ANKS1B: variants seen among roughly 807,000 people sequenced by gnomAD.
The protein encoded by ANKS1B is ankyrin repeat and sterile alpha motif domain-containing protein 1B.
A neutral mutation model predicts 148.3 loss-of-function variants in ANKS1B; 36 were observed. The ratio of observed to expected loss-of-function variants is 0.24; its 90% CI spans 0.19 to 0.32. The LOEUF is 0.32. Among genes scored for constraint, ANKS1B ranks in the 10% least tolerant of loss-of-function variants. The pLI is 1.00. For synonymous variants in ANKS1B, 542 were observed against 560.8 expected, an observed-to-expected ratio of 0.97 and a Z score of 0.47; for missense variants, 1,157 against 1,542.6, an observed-to-expected ratio of 0.75 and a Z score of 4.19.
chr12:98,779,077 G>A (rs2098709213), intron 24 of ANKS1B, among the ~76,000 whole-genome samples: 1 of 152,204 alleles, frequency 6.6e-6, no homozygotes, highest in African/African-American at 2.4e-5. Context: ...CTGAAAATAT[G>A]TTGAGGACCA....
At chr12:99,085,148 C>G in intron 15 of ANKS1B, 125 bp from the exon 16 acceptor site, 1 of 775,272 alleles carries the variant, frequency 1.3e-6, no homozygotes, top group Non-Finnish European at 2.1e-6. Context: ...GACATAGAGT[C>G]ATTCTTCCGT....
intron 15 of ANKS1B, among the ~76,000 whole-genome samples, chr12:99,117,763 G>T (rs1392584988): frequency 6.6e-6 from 1 of 152,202 alleles, no homozygotes; most frequent in Non-Finnish European, 1.5e-5. Flanking sequence ...AATAGTTTCA[G>T]AAGGAATGGT....
intron 17 of ANKS1B, among the ~76,000 whole-genome samples, chr12:98,936,483 C>T (rs754993207): frequency 9.9e-5 from 15 of 151,946 alleles, no homozygotes; most frequent in African/African-American, 3.1e-4. Flanking sequence ...AAAAATTAGC[C>T]GGGCGTGGTG....
At chr12:99,501,029 T>C (rs1459635954) in intron 10 of ANKS1B, among the ~76,000 whole-genome samples, 1 of 152,196 alleles carries the variant, frequency 6.6e-6, no homozygotes, top group Non-Finnish European at 1.5e-5. Context: ...CACTCATTCA[T>C]TGAGTTTTAA....
At chr12:98,859,660 T>C (rs2099588808) in intron 17 of ANKS1B, among the ~76,000 whole-genome samples, 1 of 152,236 alleles carries the variant, frequency 6.6e-6, no homozygotes. Context: ...TTTTAGTTTA[T>C]GAAAATCAAA....
intron 12 of ANKS1B, among the ~76,000 whole-genome samples, chr12:99,257,609 G>A (rs2075420493): frequency 6.6e-6 from 1 of 151,762 alleles, no homozygotes; most frequent in South Asian, 2.1e-4. Flanking sequence ...TCTATTTCTT[G>A]TTTCCTATTT....
At chr12:99,552,153 C>T (rs779824922) in intron 9 of ANKS1B, among the ~76,000 whole-genome samples, 3 of 152,114 alleles carry the variant, frequency 2.0e-5, no homozygotes, top group Non-Finnish European at 4.4e-5. Flanking sequence ...TTGTGAATGA[C>T]TAGGTCAAAT....
At chr12:99,873,445 T>G (rs1471490901) in intron 1 of ANKS1B, among the ~76,000 whole-genome samples, 1 of 152,182 alleles carries the variant, frequency 6.6e-6, no homozygotes, top group Non-Finnish European at 1.5e-5. Context: ...GGAGTTTAAC[T>G]GCTCCATAGA....
At chr12:99,660,881 C>T (rs1038935058) in intron 8 of ANKS1B, among the ~76,000 whole-genome samples, 1 of 152,072 alleles carries the variant, frequency 6.6e-6, no homozygotes, top group African/African-American at 2.4e-5. Flanking sequence ...TCTGGCAGGC[C>T]AGGTCTCACT....
intron 1 of ANKS1B, among the ~76,000 whole-genome samples, chr12:99,945,032 GT>G (rs2095026679): frequency 2.0e-5 from 3 of 152,118 alleles, no homozygotes; most frequent in Admixed American, 2.0e-4. Flanking sequence ...ACTCTTCTAA[GT>G]GCCAGGGTTA....
At chr12:99,306,726 G>C (rs1185504412) in intron 12 of ANKS1B, among the ~76,000 whole-genome samples, 1 of 152,054 alleles carries the variant, frequency 6.6e-6, no homozygotes, top group African/African-American at 2.4e-5. Context: ...TGAGCACTTT[G>C]TTAAAGCTGC....
At chr12:99,491,318 A>G (rs2096553386) in intron 10 of ANKS1B, among the ~76,000 whole-genome samples, 1 of 149,824 alleles carries the variant, frequency 6.7e-6, no homozygotes, top group South Asian at 2.1e-4. Flanking sequence ...AAAAAAAAAA[A>G]GCTTAATTGT....
At chr12:99,430,813 G>C (rs546600346) in intron 11 of ANKS1B, among the ~76,000 whole-genome samples, 9 of 152,304 alleles carry the variant, frequency 5.9e-5, no homozygotes, top group Admixed American at 2.6e-4. Flanking sequence ...TCTAATCCAA[G>C]AGTGAAGTTA....
chr12:98,952,514 T>A (rs1423857243), intron 17 of ANKS1B, among the ~76,000 whole-genome samples: 1 of 152,218 alleles, frequency 6.6e-6, no homozygotes, highest in East Asian at 1.9e-4. Context: ...GTTCCCTAAA[T>A]AAGGACACGT....
intron 16 of ANKS1B, among the ~76,000 whole-genome samples, chr12:99,068,054 A>C (rs1469898566): frequency 6.6e-6 from 1 of 152,126 alleles, no homozygotes; most frequent in East Asian, 1.9e-4. Context: ...AAGAATTTTT[A>C]GGCACTATAG....
intron 12 of ANKS1B, among the ~76,000 whole-genome samples, chr12:99,255,668 G>T (rs939712616): frequency 6.6e-6 from 1 of 151,968 alleles, no homozygotes; most frequent in Middle Eastern, 3.4e-3. Flanking sequence ...TTATATTTTT[G>T]TTTAACTTTA....
Position 99,052,925 on chromosome 12 carries a change from A to G in ANKS1B, c.2778+232T>C, listed in dbSNP as rs114090320. On this transcript the variant is annotated intron_variant, in intron 17 of 26. Transcript: ENST00000683438. ...AAAAGGAGAACACAAAAATGCTTGG[A>G]AGATTTTCTTGGATAATGCAAAATA... 1.1e-3 allele frequency among the ~76,000 whole-genome samples: 167 copies of G among 152,142 alleles called. 2 individuals carry two copies. The highest frequency in any genetic ancestry group is 3.5e-3 in the African/African-American group (146 of 41,484).
intron 1 of ANKS1B, among the ~76,000 whole-genome samples, chr12:99,835,756 G>GA (rs1275283884): frequency 6.6e-6 from 1 of 151,882 alleles, no homozygotes; most frequent in Non-Finnish European, 1.5e-5. Flanking sequence ...ATTCCAAGGG[G>GA]AAAAAAGAAA....
At chr12:99,657,253 G>T (rs187051016) in intron 8 of ANKS1B, among the ~76,000 whole-genome samples, 56 of 152,212 alleles carry the variant, frequency 3.7e-4, no homozygotes, top group Middle Eastern at 6.8e-3. Flanking sequence ...CACGAAGCTG[G>T]CAAGTGGCAG....
Sources: allele counts gnomAD v4.1 joint callset (sites outside exome capture counted in the v4.1 genomes callset), GRCh38; gene constraint gnomAD v4.1.1; transcripts MANE v1.5; gene names NCBI Gene and HGNC (gene_info 2026-07-23, HGNC 2026-07-21).